DDX10: variants seen among roughly 807,000 people sequenced by gnomAD.
DDX10 encodes the protein probable ATP-dependent RNA helicase DDX10.
In DDX10, 74 loss-of-function variants were observed where a neutral mutation model predicts 104.3. The observed-to-expected ratio is 0.71, with a 90% confidence interval of 0.59 to 0.86. The LOEUF (loss-of-function observed/expected upper bound fraction) is 0.86, where lower values mean the gene tolerates loss of function less well. DDX10 is among the 40% of genes least tolerant of loss of function. The pLI is 0.00. For missense variants in DDX10, 952 were observed against 1,040.0 expected, an observed-to-expected ratio of 0.92 and a Z score of 1.16; for synonymous variants, 351 against 353.4, an observed-to-expected ratio of 0.99 and a Z score of 0.08.
intron 13 of DDX10, among the ~76,000 whole-genome samples, chr11:108,805,032 A>C (rs1319453291): frequency 6.6e-6 from 1 of 152,238 alleles, no homozygotes; most frequent in African/African-American, 2.4e-5. Flanking sequence ...GGGCATTAGC[A>C]CAAGGAGGCA....
chr11:108,703,567 A>T (rs1277662646), intron 9 of DDX10, among the ~76,000 whole-genome samples: 1 of 152,134 alleles, frequency 6.6e-6, no homozygotes, highest in Non-Finnish European at 1.5e-5. Context: ...TGACCTCATG[A>T]TCCACCTGCC....
intron 13 of DDX10, among the ~76,000 whole-genome samples, chr11:108,782,081 G>T (rs189297596): frequency 6.6e-6 from 1 of 152,242 alleles, no homozygotes; most frequent in Non-Finnish European, 1.5e-5. Context: ...GCAGCCCTAG[G>T]GCACAGATGT....
At chr11:108,772,138 G>A (rs1018764890) in intron 13 of DDX10, among the ~76,000 whole-genome samples, 1 of 152,228 alleles carries the variant, frequency 6.6e-6, no homozygotes, top group Non-Finnish European at 1.5e-5. Context: ...AGTGCTTTAT[G>A]CGTAGTTGTC....
chr11:108,665,134 C>G lies in DDX10; in HGVS notation c.-20C>G. 4 of 1,595,980 alleles carry G rather than the reference C, an allele frequency of 2.5e-6. No individual in the cohort carries two copies. Among genetic ancestry groups the G allele is most frequent in the Non-Finnish European group, 2.6e-6 (3 of 1,172,244 alleles). On this transcript the variant is annotated 5_prime_UTR_variant, in exon 1 of 18. Coordinates refer to ENST00000322536, the MANE Select transcript of DDX10 (RefSeq NM_004398.4). Reference sequence around the variant, plus strand: ...GTCTCGTGTCTGGGGTTGATCCGAGCTGTCGCCGCCGCCGCCGCAATGGGC... The same window carrying G: ...GTCTCGTGTCTGGGGTTGATCCGAGGTGTCGCCGCCGCCGCCGCAATGGGC...
chr11:108,921,602 A>T (rs1863826764), intron 17 of DDX10: 1 of 152,190 alleles, frequency 6.6e-6, no homozygotes, highest in South Asian at 2.1e-4. Context: ...TTCTCTGGCT[A>T]TACACTTAGC....
rs548855740 is a variant in DDX10 at position 108,676,585 on chromosome 11, TAC to T, written c.379-498_379-497del. 3.3e-5 allele frequency among the ~76,000 whole-genome samples: 5 copies of T among 152,292 alleles called. No homozygotes were observed. In the South Asian group the frequency reaches 8.3e-4, roughly 25 times the overall value. The stretch of plus-strand genomic sequence containing the variant: ...CCTCAGCCTCCCAAGTAGCTGAGAT[TAC>T]AGATGTGGGCTACCACGCCAAGCTG... On this transcript the variant is annotated intron_variant, in intron 3 of 17. Coordinates refer to ENST00000322536, the MANE Select transcript of DDX10 (RefSeq NM_004398.4).
intron 13 of DDX10, among the ~76,000 whole-genome samples, chr11:108,827,772 G>C (rs1334742965): frequency 6.6e-6 from 1 of 152,094 alleles, no homozygotes; most frequent in East Asian, 1.9e-4. Context: ...TTTTAGGACT[G>C]TTGCTATAGC....
intron 13 of DDX10, among the ~76,000 whole-genome samples, chr11:108,781,891 T>C (rs1306540607): frequency 6.6e-6 from 1 of 152,198 alleles, no homozygotes; most frequent in African/African-American, 2.4e-5. Flanking sequence ...ATGCTTCTTC[T>C]GTAATATTAT....
intron 17 of DDX10, among the ~76,000 whole-genome samples, chr11:108,927,120 T>G (rs1863919263): frequency 6.6e-6 from 1 of 152,174 alleles, no homozygotes; most frequent in Admixed American, 6.5e-5. Context: ...TTATCAGTCT[T>G]TGGTTCACCT....
intron 13 of DDX10, among the ~76,000 whole-genome samples, chr11:108,729,165 C>T (rs531796753): frequency 4.6e-5 from 7 of 152,152 alleles, no homozygotes; most frequent in African/African-American, 9.6e-5. Context: ...AAATGATTAC[C>T]GAGCTTACAC....
intron 3 of DDX10, among the ~76,000 whole-genome samples, 192 bp from the exon 4 acceptor site, chr11:108,676,893 C>T (rs1476496549): frequency 6.6e-6 from 1 of 152,008 alleles, no homozygotes; most frequent in Non-Finnish European, 1.5e-5. Context: ...GTTTCTTTTC[C>T]CTTTCCTCTG....
chr11:108,665,317 G>A lies in DDX10; in HGVS notation c.164G>A (p.Arg55His), dbSNP rs1382580147. The change falls in exon 1 of 18, where the codon CGC (arginine) becomes CAC (histidine). Residue 55 changes from arginine (R) to histidine (H), a missense_variant. Around this residue, in one of 3 missense-constraint regions of DDX10, gnomAD observed 412 missense variants for 479.2 expected, o/e 0.86. Coordinates refer to ENST00000322536, the MANE Select transcript of DDX10 (RefSeq NM_004398.4). Reference sequence around the variant, plus strand: ...CAGGTCGAGCGCGAGAGTATCAGCCGCCTCATGCAGAACTATGAAAAGGTG... The same window carrying A: ...CAGGTCGAGCGCGAGAGTATCAGCCACCTCATGCAGAACTATGAAAAGGTG... ...EWQVERESIS[R>H]LMQNYEKINV... The A allele has an allele frequency of 4.4e-6, 7 of 1,599,452 alleles. No individual in the cohort carries two copies. Among genetic ancestry groups the A allele is most frequent in the Admixed American group, 1.7e-5 (1 of 57,566 alleles).
intron 17 of DDX10, 123 bp downstream of exon 17, chr11:108,918,141 T>G: frequency 1.1e-6 from 1 of 931,954 alleles, no homozygotes; most frequent in Non-Finnish European, 1.6e-6. Flanking sequence ...TTTTGATACC[T>G]TTACTTAGAT....
In DDX10 at chr11:108,819,904, A is replaced by G. The variant is rs1862304274; in HGVS notation, c.1966-18542A>G. 3.3e-5 allele frequency among the ~76,000 whole-genome samples: 5 copies of G among 152,084 alleles called. No homozygotes were observed. In the South Asian group the frequency reaches 1.0e-3, roughly 32 times the overall value. On this transcript the variant is annotated intron_variant, in intron 13 of 17. Transcript: ENST00000322536. ...CATGAGCCACCGCGCCCAGCCCCAT[A>G]CGCCTATTTCTGAGGGAGATTGTAG...
At chr11:108,682,327 A>G (rs995501226) in intron 6 of DDX10, among the ~76,000 whole-genome samples, 2 of 151,742 alleles carry the variant, frequency 1.3e-5, no homozygotes, top group Non-Finnish European at 2.9e-5. Flanking sequence ...CTAGTCTCGA[A>G]CTCCTAACCT....
intron 17 of DDX10, chr11:108,919,410 A>G (rs1863794556): frequency 6.6e-6 from 1 of 152,210 alleles, no homozygotes; most frequent in Non-Finnish European, 1.5e-5. Context: ...CTAAGAGTAA[A>G]TATACATGCT....
At chr11:108,890,469 C>CT (rs1863360431) in intron 16 of DDX10, among the ~76,000 whole-genome samples, 1 of 151,850 alleles carries the variant, frequency 6.6e-6, no homozygotes, top group African/African-American at 2.4e-5. Flanking sequence ...CTCAAGTCCT[C>CT]TGAGTGTTAC....
At chr11:108,904,452 C>T (rs892248688) in intron 16 of DDX10, among the ~76,000 whole-genome samples, 4 of 152,160 alleles carry the variant, frequency 2.6e-5, no homozygotes, top group Non-Finnish European at 4.4e-5. Flanking sequence ...TGGATTCATT[C>T]ATATGCATTT....
chr11:108,666,592 A>G (rs1034800788), intron 1 of DDX10, among the ~76,000 whole-genome samples: 1 of 152,138 alleles, frequency 6.6e-6, no homozygotes, highest in East Asian at 1.9e-4. Flanking sequence ...GTCAGCAGGG[A>G]CTTGCTCCCT....
Sources: gnomAD v4.1 joint callset for allele counts (sites outside exome capture counted in the v4.1 genomes callset) on GRCh38, gnomAD v4.1.1 for gene constraint, gnomAD v4.1.1 regional missense constraint, MANE v1.5 for transcripts, NCBI Gene and HGNC (gene_info 2026-07-23, HGNC 2026-07-21) for gene names.